MINPP1: variants seen among roughly 807,000 people sequenced by gnomAD.
MINPP1 encodes the protein multiple inositol polyphosphate phosphatase 1.
In MINPP1, 28 loss-of-function variants were observed where a neutral mutation model predicts 46.1. The ratio of observed to expected loss-of-function variants is 0.61; its 90% confidence interval spans 0.45 to 0.83. The LOEUF (loss-of-function observed/expected upper bound fraction) is 0.83. Ranked by LOEUF, MINPP1 falls within the 40% of genes least tolerant of loss-of-function variation. The pLI is 0.00. For synonymous variants in MINPP1, 268 were observed against 249.1 expected (o/e 1.08, Z -0.72); for missense variants, 603 against 610.0 (o/e 0.99, Z 0.12).
chr10:87,547,567 G>A (rs555851748), intron 4 of MINPP1, among the ~76,000 whole-genome samples: 1 of 152,114 alleles, frequency 6.6e-6, no homozygotes, highest in South Asian at 2.1e-4. Flanking sequence ...TTAATTTATG[G>A]TATACCTGTG....
rs768070366 is a variant in MINPP1 at position 87,552,519 on chromosome 10, G to C, written c.*41G>C. On this transcript the variant is annotated 3_prime_UTR_variant, in exon 5 of 5. Coordinates refer to ENST00000371996, the MANE Select transcript of MINPP1 (RefSeq NM_004897.5). ...TTTTAATTCTTTAGGAATCTGCAAT[G>C]AGTGATTACATGCTTGTAATAGGTA... The C allele has an allele frequency of 6.3e-7, 1 of 1,587,832 alleles. No homozygotes were observed. Among genetic ancestry groups the C allele is most frequent in the Non-Finnish European group, 8.6e-7 (1 of 1,162,484 alleles).
chr10:87,509,307 G>GA (rs1484094750), intron 2 of MINPP1, among the ~76,000 whole-genome samples: 1 of 152,100 alleles, frequency 6.6e-6, no homozygotes, highest in Admixed American at 6.6e-5. Flanking sequence ...AGATGTTGGG[G>GA]AAAAAATAGA....
chr10:87,539,773 T>C (rs562856712), intron 4 of MINPP1, among the ~76,000 whole-genome samples: 2 of 152,370 alleles, frequency 1.3e-5, no homozygotes, highest in East Asian at 3.9e-4. Flanking sequence ...GATGGTTTCA[T>C]GTCCTTTGTG....
At chr10:87,507,686 T>C (rs540982171) in intron 1 of MINPP1, 75 of 238,288 alleles carry the variant, frequency 3.1e-4, no homozygotes, top group African/African-American at 1.7e-3. Context: ...TGATTATGAA[T>C]GCTTCTCCAA....
chr10:87,534,835 T>G (rs1851711239), intron 4 of MINPP1, among the ~76,000 whole-genome samples: 1 of 152,222 alleles, frequency 6.6e-6, no homozygotes, highest in Admixed American at 6.5e-5. Context: ...GTGTCAGAGA[T>G]TCTATGGAAG....
At chr10:87,521,217 ACTT>A (rs1851496652) in intron 4 of MINPP1, 48 bp downstream of exon 4, 1 of 1,514,190 alleles carries the variant, frequency 6.6e-7, no homozygotes, top group East Asian at 2.3e-5. Context: ...TTACTACTAA[ACTT>A]CTGGAAATTT....
intron 2 of MINPP1, among the ~76,000 whole-genome samples, chr10:87,511,388 G>A (rs1216485316): frequency 1.3e-5 from 2 of 151,998 alleles, no homozygotes; most frequent in Admixed American, 6.6e-5. Context: ...AGATTATTAT[G>A]TTTTCCTATT....
At position 87,521,679 on chromosome 10, in the gene MINPP1, A is replaced by G. The variant is rs115281166; in HGVS notation, c.1067+510A>G. Among the ~76,000 whole-genome samples, 1,481 of 152,306 alleles carry G rather than the reference A, an allele frequency of 9.7e-3. 24 individuals carry two copies. The highest frequency in any genetic ancestry group is 0.034 in the African/African-American group (1,396 of 41,560). On this transcript the variant is annotated intron_variant, in intron 4 of 4. Coordinates refer to ENST00000371996, the MANE Select transcript of MINPP1 (RefSeq NM_004897.5). ...CATTTTCACTGTAGTACAATATTCA[A>G]TAATGTGAATATACCATCTACTCTT...
chr10:87,541,294 C>G (rs989661012), intron 4 of MINPP1, among the ~76,000 whole-genome samples: 1 of 152,090 alleles, frequency 6.6e-6, no homozygotes, highest in Non-Finnish European at 1.5e-5. Flanking sequence ...GAGTTTCAAA[C>G]AATGAAGTAG....
intron 4 of MINPP1, among the ~76,000 whole-genome samples, chr10:87,546,336 G>A (rs1038590271): frequency 1.3e-5 from 2 of 152,136 alleles, no homozygotes; most frequent in African/African-American, 4.8e-5. Flanking sequence ...GCATGCTAGT[G>A]TATTCTAGTT....
At position 87,552,308 on chromosome 10, in the gene MINPP1, T is replaced by C. The variant is rs1851976367; in HGVS notation, c.1294T>C (p.Phe432Leu). 6 of 1,613,684 alleles carry C rather than the reference T, an allele frequency of 3.7e-6. No individual in the cohort carries two copies. In the South Asian group the frequency reaches 5.5e-5, roughly 15 times the overall value. The part of the protein sequence containing the change: ...CENAKTPKEQ[F>L]RVQMLLNEKV... ...AAATGCTAAGACTCCTAAAGAACAA[T>C]TCCGAGTGCAGATGTTATTAAATGA... Residue 432 changes from phenylalanine to leucine, a missense_variant, in exon 5 of 5, where the codon TTC (phenylalanine) becomes CTC (leucine). Physicochemically the swap from Phe to Leu is conservative, Grantham distance 22 (BLOSUM62 0). Transcript: ENST00000371996.
intron 4 of MINPP1, among the ~76,000 whole-genome samples, chr10:87,526,114 C>G (rs1851572816): frequency 6.6e-6 from 1 of 152,182 alleles, no homozygotes; most frequent in Non-Finnish European, 1.5e-5. Flanking sequence ...AGTTCTAGAT[C>G]CTTGAGGAAT....
At position 87,508,200 on chromosome 10, in the gene MINPP1, C is replaced by T. The variant is rs3843597; in HGVS notation, c.638-136C>T. 1,077,801 of 1,547,160 alleles carry T rather than the reference C, an allele frequency of 0.7. 377,697 individuals carry two copies. The highest frequency in any genetic ancestry group is 0.89 in the African/African-American group (65,127 of 73,152). Reference sequence around the variant, plus strand: ...TAATTTTACCCCAAGAGTTTCCTGACCAATATGTGCTTATTTCAGCTGTGC... The same window carrying T: ...TAATTTTACCCCAAGAGTTTCCTGATCAATATGTGCTTATTTCAGCTGTGC... On this transcript the variant is annotated intron_variant, in intron 1 of 4. Transcript: ENST00000371996.
chr10:87,515,822 A>ATT (rs71019482), intron 3 of MINPP1, among the ~76,000 whole-genome samples: 2,935 of 84,126 alleles, frequency 0.035, 70 homozygotes, highest in Non-Finnish European at 0.044. Flanking sequence ...TTTGTTAAGA[A>ATT]TTTTTTTTTT....
At chr10:87,521,868 T>G (rs973127781) in intron 4 of MINPP1, among the ~76,000 whole-genome samples, 6 of 152,210 alleles carry the variant, frequency 3.9e-5, no homozygotes, top group African/African-American at 1.4e-4. Context: ...TTTCATGACT[T>G]GAACCTTTGA....
At chr10:87,540,492 C>G (rs962898171) in intron 4 of MINPP1, among the ~76,000 whole-genome samples, 3 of 77,302 alleles carry the variant, frequency 3.9e-5, no homozygotes, top group African/African-American at 2.0e-4. Flanking sequence ...GTCTCTCTCT[C>G]TGTCACACAC....
chr10:87,519,542 A>G (rs1851469019), intron 3 of MINPP1, among the ~76,000 whole-genome samples: 1 of 152,202 alleles, frequency 6.6e-6, no homozygotes, highest in African/African-American at 2.4e-5. Context: ...TCATTAATAA[A>G]TATCTACACT....
chr10:87,523,060 C>T (rs1851525562), intron 4 of MINPP1, among the ~76,000 whole-genome samples: 1 of 152,204 alleles, frequency 6.6e-6, no homozygotes, highest in Admixed American at 6.5e-5. Context: ...GTAATTCAGT[C>T]ACATCTTTGG....
intron 3 of MINPP1, among the ~76,000 whole-genome samples, chr10:87,518,195 G>A (rs868173907): frequency 3.3e-5 from 5 of 151,294 alleles, no homozygotes; most frequent in Admixed American, 6.6e-5. Flanking sequence ...TCCTGACCTC[G>A]CAATCCGCCT....
Sources: gnomAD v4.1 joint callset for allele counts (sites outside exome capture counted in the v4.1 genomes callset) on GRCh38, gnomAD v4.1.1 for gene constraint, MANE v1.5 for transcripts, NCBI Gene and HGNC (gene_info 2026-07-23, HGNC 2026-07-21) for gene names.